Variants in SMC1A observed in about 807,000 individuals in gnomAD.
SMC1A encodes the protein structural maintenance of chromosomes protein 1A.
SMC1A carries 4 observed loss-of-function variants against 94.5 expected under a neutral mutation model. The observed-to-expected ratio is 0.04, with a 90% CI of 0.02 to 0.10. SMC1A has a LOEUF of 0.10. Among genes scored for constraint, SMC1A ranks in the 10% least tolerant of loss-of-function variants. The pLI is 1.00. For synonymous variants in SMC1A, 345 were observed against 347.7 expected, an observed-to-expected ratio of 0.99 and a Z score of 0.09; for missense variants, 304 against 989.0, an observed-to-expected ratio of 0.31 and a Z score of 9.29.
rs1382421541 is a variant in SMC1A at position 53,379,926 on chromosome X, T to C, written c.*177A>G. 4.3e-6 allele frequency: 2 copies of C among 465,024 alleles called. No individual in the cohort carries two copies. The highest frequency in any genetic ancestry group is 2.4e-5 in the African/African-American group (1 of 41,734). The allele number at this position is 465,024 out of a possible 1,213,427, so 38.3% of individuals were successfully genotyped here. On this transcript the variant is annotated 3_prime_UTR_variant, in exon 25 of 25. Coordinates refer to ENST00000322213, the MANE Select transcript of SMC1A (RefSeq NM_006306.4). ...AGAATACTCCCTGTCGTTCAGGAAT[T>C]TTTGCTCCAGACCTAACATCACCTC...
At chrX:53,398,453 T>C (rs1556888368) in intron 16 of SMC1A, among the ~76,000 whole-genome samples, 2 of 111,509 alleles carry the variant, frequency 1.8e-5, no homozygotes, top group Non-Finnish European at 3.8e-5. Context: ...AACTGAGCTG[T>C]AGCAGTCAGT....
rs782093953 is a variant in SMC1A, at chrX:53,403,110, G to A, written c.2420+456C>T. Reference sequence around the variant, plus strand: ...AGGCTGAGGTGGGAGGACCACCTGAGCCTGGGAAGGTCAAGATTGACACTG... The same window carrying A: ...AGGCTGAGGTGGGAGGACCACCTGAACCTGGGAAGGTCAAGATTGACACTG... On this transcript the variant is annotated intron_variant, in intron 15 of 24. Transcript: ENST00000322213. Among the ~76,000 whole-genome samples the A allele has an allele frequency of 3.3e-5, 3 of 89,607 alleles. No homozygotes were observed. The East Asian group carries it at 1.1e-3, about 34-fold the overall frequency. 77.8% of individuals were successfully genotyped at this position (89,607 alleles called of 115,157 possible). A position where few individuals can be genotyped will look rare whatever the true frequency, so the allele number is the denominator to read the frequency against.
Position 53,414,683 on chromosome X carries a change from G to A in SMC1A, c.411+75C>T, listed in dbSNP as rs1284326162. 4 of 651,709 alleles carry A rather than the reference G, an allele frequency of 6.1e-6. No individual in the cohort carries two copies. The East Asian group carries it at 1.3e-4, about 21-fold the overall frequency. The allele number at this position is 651,709 out of a possible 1,213,427, so 53.7% of individuals were successfully genotyped here. On this transcript the variant is annotated intron_variant, in intron 3 of 24. Transcript: ENST00000322213. ...TCAAGGGAGAGATGATAAAGCCTGA[G>A]ATGGAGCAGACAGAGTGGGGATGGG... is the stretch of plus-strand genomic sequence containing the variant.
intron 1 of SMC1A, among the ~76,000 whole-genome samples, chrX:53,420,521 CAAA>C (rs781807659): frequency 4.0e-5 from 2 of 49,764 alleles, no homozygotes; most frequent in Non-Finnish European, 3.9e-5. Context: ...AAGACTGTCT[CAAA>C]AAAAAAAAAA....
Position 53,405,263 on chromosome X carries a change from G to A in SMC1A, c.2040C>T (p.Arg680=), listed in dbSNP as rs782816467. The stretch of plus-strand genomic sequence containing the variant: ...GGCTTACTTTCAGCTCCTCTGTCAA[G>A]CGCTCCTTCTTCTCTTTCAACTTGT... The part of the protein sequence containing the change: ...AVDKLKEKKE[R]LTEELKEQMK... Residue 680 remains arginine, a synonymous_variant, in exon 12 of 25, where the codon CGC becomes CGT. Coordinates refer to ENST00000322213, the MANE Select transcript of SMC1A (RefSeq NM_006306.4). 1.7e-6 allele frequency: 2 copies of A among 1,210,686 alleles called. No homozygotes were observed. The highest frequency in any genetic ancestry group is 2.2e-5 in the Admixed American group (1 of 45,846).
At chrX:53,414,275 A>C (rs1188309972) in intron 3 of SMC1A, among the ~76,000 whole-genome samples, 1 of 111,049 alleles carries the variant, frequency 9.0e-6, no homozygotes, top group African/African-American at 3.3e-5. Flanking sequence ...GATTTTGATG[A>C]TGGTGTTTCC....
Position 53,405,601 on chromosome X carries a change from C to G in SMC1A, c.1803G>C (p.Glu601Asp). The change falls in exon 11 of 25, where the codon GAG (glutamate) becomes GAC (aspartate). Residue 601 changes from glutamate to aspartate, a missense_variant. By Grantham distance (45) the Glu-to-Asp change is conservative. Transcript: ENST00000322213. The part of the protein sequence containing the change: ...AKLVIDVIRY[E>D]PPHIKKALQY... ...GCAGGGCCTTTTTGATATGAGGTGG[C>G]TCATAGCGAATCACATCAATCACTA... The G allele has an allele frequency of 8.3e-7, 1 of 1,211,697 alleles. No homozygotes were observed. The highest frequency in any genetic ancestry group is 1.1e-6 in the Non-Finnish European group (1 of 895,332).
intron 19 of SMC1A, among the ~76,000 whole-genome samples, chrX:53,387,953 T>C (rs1467180125): frequency 9.0e-6 from 1 of 111,017 alleles, no homozygotes; most frequent in Non-Finnish European, 1.9e-5. Flanking sequence ...AAATCAAGCA[T>C]ATATAGCCTG....
rs1292396894 is a variant in SMC1A, at chrX:53,392,317, G to A, written c.2973+2461C>T. On this transcript the variant is annotated intron_variant, in intron 19 of 24. Transcript: ENST00000322213. ...TGAGGAAGGAGAATCGAGTGAACCT[G>A]GGAGGCAGAGCTTGCAGTGAGCCGA... 2.8e-5 allele frequency among the ~76,000 whole-genome samples: 3 copies of A among 108,967 alleles called. No individual in the cohort carries two copies. In the East Asian group the frequency reaches 8.8e-4, roughly 32 times the overall value. The allele number at this position is 108,967 out of a possible 115,157, so 94.6% of individuals were successfully genotyped here.
chrX:53,413,353 G>A lies in SMC1A; in HGVS notation c.494C>T (p.Ala165Val), dbSNP rs1556890833. 9.1e-6 allele frequency: 11 copies of A among 1,209,136 alleles called. No individual in the cohort carries two copies. The highest frequency in any genetic ancestry group is 3.5e-5 in the African/African-American group (2 of 57,028). ...CTTCTTTCGCTTGTCATACTCCTGC[G>A]CCAGCTCCCCAGAACGACTAATCTC... ...FEEISRSGEL[A>V]QEYDKRKKEM... The change falls in exon 4 of 25, where the codon GCG (alanine) becomes GTG (valine). Residue 165 changes from alanine to valine, a missense_variant. Around this residue, in one of 11 missense-constraint regions of SMC1A, gnomAD observed 120 missense variants for 314.9 expected, o/e 0.38. Transcript: ENST00000322213.
chrX:53,422,619 G>T lies in SMC1A; in HGVS notation c.-19C>A. The T allele has an allele frequency of 1.8e-6, 2 of 1,115,927 alleles. No homozygotes were observed. Among genetic ancestry groups the T allele is most frequent in the Non-Finnish European group, 1.2e-6 (1 of 810,131 alleles). The allele number at this position is 1,115,927 out of a possible 1,213,427, so 92.0% of individuals were successfully genotyped here. On this transcript the variant is annotated 5_prime_UTR_variant, in exon 1 of 25. Transcript: ENST00000322213. The stretch of plus-strand genomic sequence containing the variant: ...ACCCCATGACGGCCGCGGCGCCGGC[G>T]GCAGTAGGACAGGCCGCGCCGTACG...
chrX:53,420,393 G>A (rs782100138), intron 1 of SMC1A, among the ~76,000 whole-genome samples: 22 of 108,787 alleles, frequency 2.0e-4, no homozygotes, highest in Non-Finnish European at 3.4e-4. Flanking sequence ...ATGGGGTGGC[G>A]CACGCCTGTA....
intron 19 of SMC1A, among the ~76,000 whole-genome samples, chrX:53,389,699 C>T (rs1352054274): frequency 1.8e-5 from 2 of 109,311 alleles, no homozygotes; most frequent in Non-Finnish European, 3.8e-5. Context: ...CCCTGCACAC[C>T]AGCCCGTGAT....
rs1556890585 is a variant in SMC1A at position 53,411,999 on chromosome X, T to C, written c.1109A>G (p.Asn370Ser). Residue 370 changes from asparagine (N) to serine (S), a missense_variant, in exon 6 of 25, where the codon AAT (asparagine) becomes AGT (serine). Asn to Ser is a conservative substitution (Grantham distance 46). This residue lies in a region of SMC1A where 120 missense variants were observed against 314.9 expected (regional missense o/e 0.38). Transcript: ENST00000322213. ...CCAACCCCTTCCAGAGCTTACCTGA[T>C]TCTCCTCCAACGTCAAATCTCTGCC... ...SQGRDLTLEE[N>S]QVKKYHRLKE... The C allele has an allele frequency of 8.3e-7, 1 of 1,211,785 alleles. No homozygotes were observed. The highest frequency in any genetic ancestry group is 1.1e-6 in the Non-Finnish European group (1 of 895,464).
intron 19 of SMC1A, 73 bp downstream of exon 19, chrX:53,394,705 C>A (rs1386819362): frequency 4.4e-6 from 3 of 677,252 alleles, no homozygotes; most frequent in African/African-American, 4.3e-5. Flanking sequence ...GACCTCCTCT[C>A]TGGACAACTA....
At chrX:53,408,055 G>A in intron 9 of SMC1A, among the ~76,000 whole-genome samples, 1 of 112,043 alleles carries the variant, frequency 8.9e-6, no homozygotes, top group South Asian at 3.7e-4. Flanking sequence ...CTGGCTGGGC[G>A]TGGTGACTCA....
At chrX:53,412,333 C>T (rs782222154) in intron 5 of SMC1A, 80 bp from the exon 6 acceptor site, 4 of 1,030,106 alleles carry the variant, frequency 3.9e-6, no homozygotes, top group African/African-American at 3.7e-5. Flanking sequence ...CAAAGGAGAG[C>T]TTGAGCCCCT....
intron 22 of SMC1A, 34 bp downstream of exon 22, chrX:53,382,198 C>A (rs782501516): frequency 8.3e-7 from 1 of 1,207,092 alleles, no homozygotes; most frequent in East Asian, 3.0e-5. Flanking sequence ...TCAGTTCAGT[C>A]TCTTCGTCAA....
Position 53,411,890 on chromosome X carries a change from G to A in SMC1A, c.1125C>T (p.Tyr375=), listed in dbSNP as rs782665492. ...TGCTGGCTTCTTCTTTCAACCGGTG[G>A]TATTTCTTCACCTGTGTTAGGGACA... ...LTLEENQVKK[Y]HRLKEEASKR... Residue 375 remains tyrosine, a synonymous_variant, in exon 7 of 25, where the codon TAC becomes TAT. Coordinates refer to ENST00000322213, the MANE Select transcript of SMC1A (RefSeq NM_006306.4). 2 of 1,211,377 alleles carry A rather than the reference G, an allele frequency of 1.7e-6. No individual in the cohort carries two copies. Among genetic ancestry groups the A allele is most frequent in the Admixed American group, 4.4e-5 (2 of 45,922 alleles).
Sources: allele counts gnomAD v4.1 joint callset (sites outside exome capture counted in the v4.1 genomes callset), GRCh38; gene constraint gnomAD v4.1.1; regional missense constraint gnomAD v4.1.1; transcripts MANE v1.5; gene names NCBI Gene and HGNC (gene_info 2026-07-23, HGNC 2026-07-21).